Variants in CPNE2 observed in about 807,000 individuals in gnomAD.
CPNE2 encodes copine 2, also known as copine-2.
CPNE2 carries 42 observed loss-of-function variants against 69.7 expected under a neutral mutation model. That is an observed-to-expected ratio of 0.60 (90% CI 0.47 to 0.78). The LOEUF is 0.78. CPNE2 is among the 30% of genes least tolerant of loss of function. The probability of loss-of-function intolerance (pLI) is 0.00; values close to 1 mark genes in which losing one functional copy is unlikely to be tolerated. For missense variants in CPNE2, 587 were observed against 732.0 expected, an observed-to-expected ratio of 0.80 and a Z score of 2.29; for synonymous variants, 294 against 289.8, an observed-to-expected ratio of 1.01 and a Z score of -0.15.
intron 5 of CPNE2, 57 bp from the exon 6 acceptor site, chr16:57,119,138 C>A: frequency 2.0e-6 from 3 of 1,501,660 alleles, no homozygotes; most frequent in Non-Finnish European, 2.8e-6. Flanking sequence ...ACACCCCCAT[C>A]TGCCTGAACC....
chr16:57,146,372 A>G lies in CPNE2; in HGVS notation c.1539+51A>G. The G allele has an allele frequency of 7.1e-6, 10 of 1,415,722 alleles. No individual in the cohort carries two copies. The highest frequency in any genetic ancestry group is 9.6e-6 in the Non-Finnish European group (10 of 1,038,790). The allele number at this position is 1,415,722 out of a possible 1,614,324, so 87.7% of individuals were successfully genotyped here. ...GGGCGGTTACAGGATCCCAGCCACC[A>G]TAGCTCATAATCAAGCTTGAGAGTC... On this transcript the variant is annotated intron_variant, in intron 15 of 15. Transcript: ENST00000290776. This position sits in a 1 kb window ranked among gnomAD's most constrained non-coding sequence, Gnocchi z 4.4.
chr16:57,109,466 A>G (rs547736017), intron 1 of CPNE2, among the ~76,000 whole-genome samples: 49 of 145,200 alleles, frequency 3.4e-4, no homozygotes, highest in African/African-American at 1.3e-3. Context: ...ACAGAGCCAG[A>G]CTCTGCCTCA....
chr16:57,117,025 G>A (rs2069723963), intron 4 of CPNE2, among the ~76,000 whole-genome samples: 1 of 152,178 alleles, frequency 6.6e-6, no homozygotes, highest in Non-Finnish European at 1.5e-5. Context: ...GATGACCAAT[G>A]TGAACTGATG....
At chr16:57,110,332 C>G (rs546832901) in intron 1 of CPNE2, among the ~76,000 whole-genome samples, 4 of 151,554 alleles carry the variant, frequency 2.6e-5, no homozygotes, top group Admixed American at 2.0e-4. Flanking sequence ...TCAAGCAATC[C>G]TCCTGCCTCA....
In CPNE2 at chr16:57,146,902, G is replaced by C. The variant is rs927780097; in HGVS notation, c.1539+581G>C. The C allele has an allele frequency of 6.3e-6, 1 of 158,400 alleles. No individual in the cohort carries two copies. Among genetic ancestry groups the C allele is most frequent in the South Asian group, 1.8e-4 (1 of 5,448 alleles). 9.8% of individuals were successfully genotyped at this position (158,400 alleles called of 1,614,324 possible). ...ACTGCCCTAGCAGCAGGGTCCATGA[G>C]GAGTCCCATAGGGGAGCAGTCTCTC... On this transcript the variant is annotated intron_variant, in intron 15 of 15. Coordinates refer to ENST00000290776, the MANE Select transcript of CPNE2 (RefSeq NM_152727.6). The surrounding 1 kb of genome is among the most constrained non-coding windows in gnomAD (Gnocchi z 4.4).
Position 57,125,927 on chromosome 16 carries a change from C to G in CPNE2, c.995C>G (p.Pro332Arg), listed in dbSNP as rs1284679071. The change falls in exon 11 of 16, where the codon CCT becomes CGT. Residue 332 changes from proline to arginine, a missense_variant. This residue lies in a region of CPNE2 where 269 missense variants were observed against 300.5 expected (regional missense o/e 0.90). Coordinates refer to ENST00000290776, the MANE Select transcript of CPNE2 (RefSeq NM_152727.6). ...CCTTCCTCTTTGCACTATATCAACC[C>G]TATGGGCACCAACGAATATCTGTCG... The part of the protein sequence containing the change: ...LDPSSLHYIN[P>R]MGTNEYLSAI... 2.5e-6 allele frequency: 4 copies of G among 1,614,168 alleles called. No homozygotes were observed. In the Admixed American group the frequency reaches 6.7e-5, roughly 27 times the overall value.
chr16:57,109,340 G>A (rs1248134850), intron 1 of CPNE2, among the ~76,000 whole-genome samples: 2 of 152,064 alleles, frequency 1.3e-5, no homozygotes, highest in East Asian at 1.9e-4. Context: ...CCCTTGCGTG[G>A]TTGTGGGTGC....
intron 1 of CPNE2, among the ~76,000 whole-genome samples, chr16:57,103,102 A>G (rs2069626000): frequency 6.6e-6 from 1 of 152,152 alleles, no homozygotes; most frequent in Non-Finnish European, 1.5e-5. Context: ...TGCCACCAGC[A>G]AAACAGAATC....
intron 12 of CPNE2, among the ~76,000 whole-genome samples, chr16:57,131,236 T>C (rs1425712010): frequency 1.3e-5 from 2 of 152,236 alleles, no homozygotes; most frequent in African/African-American, 2.4e-5. Flanking sequence ...AGCCTGCACA[T>C]GGGTCTCGCT....
intron 1 of CPNE2, among the ~76,000 whole-genome samples, chr16:57,102,534 T>G (rs909917956): frequency 6.6e-6 from 1 of 152,130 alleles, no homozygotes; most frequent in Admixed American, 6.5e-5. Context: ...TTCCCTATGC[T>G]GTGTCCACCA....
chr16:57,143,328 TG>T (rs1167335035), intron 14 of CPNE2: 1 of 152,360 alleles, frequency 6.6e-6, no homozygotes, highest in Non-Finnish European at 1.5e-5. Flanking sequence ...GCTGGTTGAT[TG>T]GCACATAGGG....
Position 57,137,166 on chromosome 16 carries a change from C to G in CPNE2, c.1186C>G (p.Gln396Glu), listed in dbSNP as rs200997147. The G allele has an allele frequency of 2.4e-5, 38 of 1,614,050 alleles. No individual in the cohort carries two copies. The highest frequency in any genetic ancestry group is 3.2e-5 in the Non-Finnish European group (38 of 1,180,018). Residue 396 changes from glutamine (Q) to glutamate (E), a missense_variant, in exon 14 of 16, where the codon CAG becomes GAG. Gln to Glu is a conservative substitution (Grantham distance 29). Around this residue, in one of 5 missense-constraint regions of CPNE2, gnomAD observed 185 missense variants for 252.3 expected, o/e 0.73. Transcript: ENST00000290776. The stretch of plus-strand genomic sequence containing the variant: ...CGAGGCAGGTGTGGATGGTATTGCC[C>G]AGGCGTACTCAGCTTGCCTGCCCCA... ...PFCSGVDGIAQAYSACLPHIR... is the reference protein window; with the variant it reads ...PFCSGVDGIAEAYSACLPHIR...
At chr16:57,115,358 G>C (rs2069710918) in intron 3 of CPNE2, 118 bp from the exon 4 acceptor site, 1 of 768,494 alleles carries the variant, frequency 1.3e-6, no homozygotes, top group Non-Finnish European at 2.2e-6. Context: ...CGGGTCACCA[G>C]CCAGCCAGGG....
chr16:57,096,827 G>T (rs1420174788), intron 1 of CPNE2, among the ~76,000 whole-genome samples: 2 of 152,066 alleles, frequency 1.3e-5, no homozygotes, highest in Non-Finnish European at 1.5e-5. Context: ...CATCAGGCAG[G>T]CCAGATATCC....
rs2069782590 is a variant in CPNE2 at position 57,124,082 on chromosome 16, CTTT to C, written c.927+611_927+613del. On this transcript the variant is annotated intron_variant, in intron 10 of 15. Transcript: ENST00000290776. ...TATTTTCTTTCTTTTCTTTTCTTTT[CTTT>C]TCTTTTTTTTTTTTGAGACAGCGTC... is the stretch of plus-strand genomic sequence containing the variant. 3.5e-5 allele frequency: 6 copies of C among 172,584 alleles called. No homozygotes were observed. The East Asian group carries it at 5.2e-4, about 15-fold the overall frequency. 10.7% of individuals were successfully genotyped at this position (172,584 alleles called of 1,614,324 possible). A position where few individuals can be genotyped will look rare whatever the true frequency, so the allele number is the denominator to read the frequency against.
chr16:57,103,175 C>G lies in CPNE2; in HGVS notation c.-35-7533C>G, dbSNP rs148228445. Among the ~76,000 whole-genome samples the G allele has an allele frequency of 1.0e-2, 1,515 of 152,056 alleles. 29 individuals carry two copies. The highest frequency in any genetic ancestry group is 0.035 in the African/African-American group (1,454 of 41,484). On this transcript the variant is annotated intron_variant, in intron 1 of 15. Transcript: ENST00000290776. Reference sequence around the variant, plus strand: ...TCTCACTCTGTCACCCAGATTCGAGCGCAGTGGCACAATCACAGCTCACTG... The same window carrying G: ...TCTCACTCTGTCACCCAGATTCGAGGGCAGTGGCACAATCACAGCTCACTG...
intron 10 of CPNE2, chr16:57,124,484 G>C (rs1185997331): frequency 2.4e-6 from 1 of 409,406 alleles, no homozygotes; most frequent in Non-Finnish European, 5.0e-6. Flanking sequence ...GTGCTTTTAA[G>C]TGTGGGCACT....
intron 1 of CPNE2, among the ~76,000 whole-genome samples, chr16:57,103,653 G>A (rs1408745634): frequency 2.6e-5 from 4 of 152,120 alleles, no homozygotes; most frequent in Non-Finnish European, 4.4e-5. Flanking sequence ...GCTTCCCTGT[G>A]CCTGCCTCTC....
intron 14 of CPNE2, among the ~76,000 whole-genome samples, chr16:57,140,597 T>C (rs1401858226): frequency 2.0e-5 from 3 of 151,558 alleles, no homozygotes; most frequent in Non-Finnish European, 4.4e-5. Context: ...CAAAGTCTCA[T>C]TCTGTTGCCC....
Sources: allele counts gnomAD v4.1 joint callset (sites outside exome capture counted in the v4.1 genomes callset), GRCh38; gene constraint gnomAD v4.1.1; regional missense constraint gnomAD v4.1.1; non-coding constraint Gnocchi (gnomAD v3.1); transcripts MANE v1.5; gene names NCBI Gene and HGNC (gene_info 2026-07-23, HGNC 2026-07-21).